The following CCDC60 variants were observed in gnomAD, a reference collection of about 807,000 sequenced individuals.
CCDC60 encodes the protein coiled-coil domain-containing protein 60.
In CCDC60, 54 loss-of-function variants were observed where a neutral mutation model predicts 63.5. The observed-to-expected ratio is 0.85, with a 90% confidence interval of 0.68 to 1.07. The LOEUF is 1.07. CCDC60 is among the 50% of genes least tolerant of loss of function. The pLI is 0.00. For synonymous variants in CCDC60, 206 were observed against 238.8 expected, an observed-to-expected ratio of 0.86 and a Z score of 1.27; for missense variants, 651 against 684.3, an observed-to-expected ratio of 0.95 and a Z score of 0.54.
At chr12:119,538,634 A>G (rs1343178381) in intron 13 of CCDC60, among the ~76,000 whole-genome samples, 1 of 152,176 alleles carries the variant, frequency 6.6e-6, no homozygotes, top group African/African-American at 2.4e-5. Flanking sequence ...GGGTTAGAAC[A>G]TGCTCCTTTA....
intron 9 of CCDC60, among the ~76,000 whole-genome samples, chr12:119,522,715 A>G (rs535101347): frequency 1.1e-4 from 17 of 152,322 alleles, no homozygotes; most frequent in Non-Finnish European, 2.5e-4. Context: ...GGTAGGATTT[A>G]AATAGGTAGA....
rs1186193072 is a variant in CCDC60 at position 119,530,956 on chromosome 12, T to C, written c.1444T>C (p.Phe482Leu). The C allele has an allele frequency of 1.9e-6, 3 of 1,613,960 alleles. No individual in the cohort carries two copies. Among genetic ancestry groups the C allele is most frequent in the African/African-American group, 1.3e-5 (1 of 74,888 alleles). ...AAAGATCCTGGTGAAACTGCAGAAG[T>C]TTGGAGAAAACCTGGACTTGCGGAT... is the stretch of plus-strand genomic sequence containing the variant. ...AKKILVKLQK[F>L]GENLDLRIRP... is the part of the protein sequence containing the mutation. Residue 482 changes from phenylalanine (F) to leucine (L), a missense_variant, in exon 13 of 14, where the codon TTT (phenylalanine) becomes CTT (leucine). Coordinates refer to ENST00000327554, the MANE Select transcript of CCDC60 (RefSeq NM_178499.5).
intron 2 of CCDC60, among the ~76,000 whole-genome samples, chr12:119,462,531 C>T (rs1005171941): frequency 1.3e-5 from 2 of 151,956 alleles, no homozygotes; most frequent in African/African-American, 4.8e-5. Context: ...GTTTCTAATT[C>T]TTTTTAGAAT....
chr12:119,419,328 T>C (rs1956766140), intron 1 of CCDC60, among the ~76,000 whole-genome samples: 2 of 152,218 alleles, frequency 1.3e-5, no homozygotes, highest in African/African-American at 4.8e-5. Flanking sequence ...ACTTTTTATT[T>C]TTCTGATTGC....
chr12:119,404,185 G>A (rs1956443468), intron 1 of CCDC60, among the ~76,000 whole-genome samples: 1 of 152,218 alleles, frequency 6.6e-6, no homozygotes, highest in African/African-American at 2.4e-5. Context: ...AGCTACTTGG[G>A]AGGCTGAGGC....
chr12:119,540,849 AT>A lies in CCDC60; in HGVS notation c.*135del. 3.3e-6 allele frequency: 2 copies of A among 611,802 alleles called. No individual in the cohort carries two copies. The highest frequency in any genetic ancestry group is 5.6e-6 in the Non-Finnish European group (2 of 358,012). The allele number at this position is 611,802 out of a possible 1,614,324, so 37.9% of individuals were successfully genotyped here. On this transcript the variant is annotated 3_prime_UTR_variant, in exon 14 of 14. Transcript: ENST00000327554. Reference sequence around the variant, plus strand: ...ATGGATGACCCTTTACAGTAGGGTCATCTGGAGACTGACTTCCAGCAACATT... The same window carrying A: ...ATGGATGACCCTTTACAGTAGGGTCACTGGAGACTGACTTCCAGCAACATT...
At chr12:119,404,493 G>C (rs1956450980) in intron 1 of CCDC60, among the ~76,000 whole-genome samples, 1 of 152,132 alleles carries the variant, frequency 6.6e-6, no homozygotes, top group Non-Finnish European at 1.5e-5. Context: ...GTGGGTGTGT[G>C]TTTCCTAGCT....
In CCDC60 at chr12:119,469,742, T is replaced by C. The variant is rs540993183; in HGVS notation, c.171-2252T>C. 8.4e-4 allele frequency among the ~76,000 whole-genome samples: 128 copies of C among 152,300 alleles called. 1 individual carries two copies. The highest frequency in any genetic ancestry group is 2.9e-3 in the African/African-American group (121 of 41,564). Reference sequence around the variant, plus strand: ...GCAACTGCCACGTAGCTGGCAGTGATTGTGAATGGCCAATGATTGTAAGAT... The same window carrying C: ...GCAACTGCCACGTAGCTGGCAGTGACTGTGAATGGCCAATGATTGTAAGAT... On this transcript the variant is annotated intron_variant, in intron 2 of 13. Transcript: ENST00000327554.
At chr12:119,380,476 A>G (rs996674473) in intron 1 of CCDC60, among the ~76,000 whole-genome samples, 2 of 152,206 alleles carry the variant, frequency 1.3e-5, no homozygotes, top group Non-Finnish European at 2.9e-5. Flanking sequence ...TGACGTCGTA[A>G]TATCTCAGAG....
chr12:119,342,240 G>C (rs1261036893), intron 1 of CCDC60, among the ~76,000 whole-genome samples: 1 of 152,138 alleles, frequency 6.6e-6, no homozygotes, highest in Non-Finnish European at 1.5e-5. Flanking sequence ...AGAGGAAAAA[G>C]CAGAGAGGAA....
At chr12:119,500,944 TAC>T (rs1951836932) in intron 6 of CCDC60, among the ~76,000 whole-genome samples, 1 of 152,172 alleles carries the variant, frequency 6.6e-6, no homozygotes, top group South Asian at 2.1e-4. Flanking sequence ...GACACCAAGA[TAC>T]AGATTCTTTT....
rs181561116 is a variant in CCDC60, at chr12:119,528,818, T to C, written c.1361+72T>C. On this transcript the variant is annotated intron_variant, in intron 12 of 13. Coordinates refer to ENST00000327554, the MANE Select transcript of CCDC60 (RefSeq NM_178499.5). ...GGTGTTGTTATTACAAGATCACTATTGATTCCACTGTCCTTCAAGGCATAG... is the reference window on the plus strand; with the variant it reads ...GGTGTTGTTATTACAAGATCACTATCGATTCCACTGTCCTTCAAGGCATAG... 29 of 1,485,164 alleles carry C rather than the reference T, an allele frequency of 2.0e-5. No homozygotes were observed. In the Admixed American group the frequency reaches 2.5e-4, roughly 13 times the overall value. The allele number at this position is 1,485,164 out of a possible 1,614,324, so 92.0% of individuals were successfully genotyped here.
chr12:119,471,467 G>A (rs1566027341), intron 2 of CCDC60, among the ~76,000 whole-genome samples: 1 of 152,168 alleles, frequency 6.6e-6, no homozygotes, highest in Non-Finnish European at 1.5e-5. Context: ...ATGCATGATG[G>A]TATCTGATCC....
intron 7 of CCDC60, among the ~76,000 whole-genome samples, chr12:119,507,573 TATATACAC>T (rs1952063838): frequency 2.5e-5 from 1 of 39,248 alleles, no homozygotes; most frequent in Non-Finnish European, 3.8e-5. Flanking sequence ...TATATATGTA[TATATACAC>T]ATATATATAC....
intron 4 of CCDC60, among the ~76,000 whole-genome samples, chr12:119,483,498 G>T (rs190793715): frequency 6.6e-6 from 1 of 152,338 alleles, no homozygotes; most frequent in Admixed American, 6.5e-5. Context: ...AGATGACTGG[G>T]CTGTGCCCCA....
At chr12:119,479,066 A>G (rs1461578447) in intron 3 of CCDC60, 28 bp from the exon 4 acceptor site, 4 of 1,519,548 alleles carry the variant, frequency 2.6e-6, no homozygotes, top group African/African-American at 2.7e-5. Flanking sequence ...CATTGTTCAC[A>G]TTGTTTCTCT....
intron 1 of CCDC60, among the ~76,000 whole-genome samples, chr12:119,367,851 GT>G (rs1267720994): frequency 6.6e-6 from 1 of 151,558 alleles, no homozygotes; most frequent in Non-Finnish European, 1.5e-5. Flanking sequence ...TAAATTTGGG[GT>G]TTCCAGGGGC....
intron 2 of CCDC60, among the ~76,000 whole-genome samples, chr12:119,451,717 T>TC (rs1310951161): frequency 6.6e-6 from 1 of 152,110 alleles, no homozygotes; most frequent in Non-Finnish European, 1.5e-5. Context: ...TTTTACACAG[T>TC]CAGTGTCCAA....
At chr12:119,430,529 T>C (rs1950209378) in intron 2 of CCDC60, among the ~76,000 whole-genome samples, 1 of 151,840 alleles carries the variant, frequency 6.6e-6, no homozygotes, top group Non-Finnish European at 1.5e-5. Flanking sequence ...TAGCCGGGCA[T>C]GGTGGTGGGC....
Sources: gnomAD v4.1 joint callset for allele counts (sites outside exome capture counted in the v4.1 genomes callset) on GRCh38, gnomAD v4.1.1 for gene constraint, MANE v1.5 for transcripts, NCBI Gene and HGNC (gene_info 2026-07-23, HGNC 2026-07-21) for gene names.